ACAP1: variants seen among roughly 807,000 people sequenced by gnomAD.
The protein encoded by ACAP1 is ArfGAP with coiled-coil, ankyrin repeat and PH domains 1.
ACAP1 carries 45 observed loss-of-function variants against 98.8 expected under a neutral mutation model. That is an observed-to-expected ratio of 0.46 (90% CI 0.36 to 0.58). ACAP1 has a LOEUF of 0.58. Ranked by LOEUF, ACAP1 falls within the 20% of genes least tolerant of loss-of-function variation. The pLI is 0.00. For missense variants in ACAP1, 735 were observed against 971.4 expected (o/e 0.76, Z 3.24); for synonymous variants, 362 against 375.3 (o/e 0.96, Z 0.41).
intron 18 of ACAP1, 114 bp from the exon 19 acceptor site, chr17:7,349,831 C>T (rs1316223485): frequency 1.2e-6 from 1 of 850,440 alleles, no homozygotes; most frequent in Non-Finnish European, 1.9e-6. Flanking sequence ...CTTCCACACT[C>T]CTGATTACCA....
intron 13 of ACAP1, 27 bp from the exon 14 acceptor site, chr17:7,347,004 C>T (rs1298097449): frequency 3.2e-6 from 5 of 1,569,820 alleles, no homozygotes; most frequent in Non-Finnish European, 4.3e-6. Context: ...GCCCCTTGGC[C>T]ACCCTTTCTT....
At position 7,343,473 on chromosome 17, in the gene ACAP1, C is replaced by T. The variant is rs762155212; in HGVS notation, c.439C>T (p.Arg147Cys). 14 of 1,614,098 alleles carry T rather than the reference C, an allele frequency of 8.7e-6. No individual in the cohort carries two copies. Among genetic ancestry groups the T allele is most frequent in the South Asian group, 6.6e-5 (6 of 91,076 alleles). ...ALTHNAEVPR[R>C]RAQEAEEAGA... ...GACCCACAACGCAGAGGTTCCCAGG[C>T]GCCGGGCCCAGGAGGCAGAAGAGGC... Residue 147 changes from arginine (R) to cysteine (C), a missense_variant, in exon 6 of 22, where the codon CGC becomes TGC. By Grantham distance (180) the Arg-to-Cys change is radical. This residue lies in a region of ACAP1 where 430 missense variants were observed against 531.8 expected (regional missense o/e 0.81). Transcript: ENST00000158762. The surrounding 1 kb of genome is among the most constrained non-coding windows in gnomAD (Gnocchi z 4.9).
intron 2 of ACAP1, among the ~76,000 whole-genome samples, chr17:7,339,172 C>G (rs2073250915): frequency 1.3e-5 from 2 of 152,038 alleles, no homozygotes; most frequent in African/African-American, 2.4e-5. Flanking sequence ...CGCCTGTAGT[C>G]CCAGCTACTC....
chr17:7,350,752 A>G lies in ACAP1; in HGVS notation c.2073-198A>G, dbSNP rs888950933. ...GCCTCCCCTGAGTAGCTGGGACTAC[A>G]GGCGTGCGCCACCACCCCCGGCTAA... On this transcript the variant is annotated intron_variant, in intron 20 of 21. Coordinates refer to ENST00000158762, the MANE Select transcript of ACAP1 (RefSeq NM_014716.4). This position sits in a 1 kb window ranked among gnomAD's most constrained non-coding sequence, Gnocchi z 4.6. 6.0e-5 allele frequency: 32 copies of G among 537,634 alleles called. No individual in the cohort carries two copies. The highest frequency in any genetic ancestry group is 5.2e-4 in the Middle Eastern group (1 of 1,936). 33.3% of individuals were successfully genotyped at this position (537,634 alleles called of 1,614,324 possible).
intron 2 of ACAP1, among the ~76,000 whole-genome samples, chr17:7,338,792 C>T (rs980868334): frequency 2.0e-5 from 3 of 151,444 alleles, no homozygotes; most frequent in Non-Finnish European, 2.9e-5. Context: ...AGTAATCCTC[C>T]CACCTCAGCC....
rs1211789105 is a variant in ACAP1 at position 7,351,285 on chromosome 17, C to G, written c.2123-10C>G. On this transcript the variant is annotated splice_polypyrimidine_tract_variant and intron_variant, in intron 21 of 21. Transcript: ENST00000158762. ...CCCAGCCGCCTCCCGGCCTTTCCTC[C>G]CTCCCCCAGGAGATGAGACGTATCT... The G allele has an allele frequency of 1.2e-6, 2 of 1,608,572 alleles. No homozygotes were observed. The highest frequency in any genetic ancestry group is 1.7e-6 in the Non-Finnish European group (2 of 1,176,038).
intron 17 of ACAP1, 145 bp downstream of exon 17, chr17:7,348,620 G>T: frequency 1.1e-6 from 1 of 917,210 alleles, no homozygotes; most frequent in Non-Finnish European, 1.6e-6. Context: ...GGGTTACGGT[G>T]GAGTGTGACA....
chr17:7,351,004 AG>A lies in ACAP1; in HGVS notation c.2122+6del. ...AAGCGGCCCAGGGGCAGGCAGGTAA[AG>A]AATACACCCACCCCACCCCCCAGGC... On this transcript the variant is annotated splice_donor_region_variant and intron_variant, in intron 21 of 21. Transcript: ENST00000158762. The A allele has an allele frequency of 6.2e-7, 1 of 1,614,080 alleles. No individual in the cohort carries two copies. The highest frequency in any genetic ancestry group is 1.1e-5 in the South Asian group (1 of 91,082).
Position 7,348,373 on chromosome 17 carries a change from A to T in ACAP1, c.1576A>T (p.Ile526Phe). 4 of 1,573,576 alleles carry T rather than the reference A, an allele frequency of 2.5e-6. 1 individual carries two copies. The South Asian group carries it at 4.6e-5, about 18-fold the overall frequency. Reference protein sequence around the residue: ...EKKFLTKLPEIRGRRGGRGRP... With the variant: ...EKKFLTKLPEFRGRRGGRGRP... ...GAAGTTCCTGACCAAGCTGCCTGAG[A>T]TTCGAGGGCGAAGAGGTGGCCGGGG... The change falls in exon 17 of 22, where the codon ATT becomes TTT. Residue 526 changes from isoleucine to phenylalanine, a missense_variant. This residue lies in a region of ACAP1 where 80 missense variants were observed against 64.4 expected (regional missense o/e 1.24). Coordinates refer to ENST00000158762, the MANE Select transcript of ACAP1 (RefSeq NM_014716.4).
rs1380251627 is a variant in ACAP1, at chr17:7,342,269, G to A, written c.232-6G>A. ...TGGTACTCTTTCTGTGCCTCTTCTT[G>A]CCTAGGAGTGTCTGGAAAAATTCAC... On this transcript the variant is annotated splice_polypyrimidine_tract_variant and splice_region_variant and intron_variant, in intron 3 of 21. Coordinates refer to ENST00000158762, the MANE Select transcript of ACAP1 (RefSeq NM_014716.4). 1.2e-6 allele frequency: 2 copies of A among 1,614,060 alleles called. No individual in the cohort carries two copies. Among genetic ancestry groups the A allele is most frequent in the Non-Finnish European group, 1.7e-6 (2 of 1,179,980 alleles).
intron 3 of ACAP1, 56 bp from the exon 4 acceptor site, chr17:7,342,219 C>A: frequency 6.2e-7 from 1 of 1,609,174 alleles, no homozygotes; most frequent in South Asian, 1.1e-5. Flanking sequence ...GGTCTCGAGT[C>A]GGGAGGGTGC....
At position 7,351,327 on chromosome 17, in the gene ACAP1, T is replaced by G; in HGVS notation, c.2155T>G (p.Phe719Val). 6.2e-7 allele frequency: 1 copy of G among 1,613,842 alleles called. No homozygotes were observed. Among genetic ancestry groups the G allele is most frequent in the Non-Finnish European group, 8.5e-7 (1 of 1,179,808 alleles). The change falls in exon 22 of 22, where the codon TTC (phenylalanine) becomes GTC (valine). Residue 719 changes from phenylalanine to valine, a missense_variant. By Grantham distance (50) the Phe-to-Val change is conservative. Transcript: ENST00000158762. ...GACGTATCTTGACATCTTCCGCGAC[T>G]TCTCCCTCATGGCGTCAGACGACCC... Reference protein sequence around the residue: ...DETYLDIFRDFSLMASDDPEK... With the variant: ...DETYLDIFRDVSLMASDDPEK...
intron 3 of ACAP1, 23 bp from the exon 4 acceptor site, chr17:7,342,252 T>C (rs2073291249): frequency 2.5e-6 from 4 of 1,613,790 alleles, no homozygotes; most frequent in Middle Eastern, 1.7e-4. Flanking sequence ...CCTGGTACTC[T>C]TTCTGTGCCT....
chr17:7,340,602 C>T (rs547690172), intron 2 of ACAP1, among the ~76,000 whole-genome samples: 8 of 152,224 alleles, frequency 5.3e-5, no homozygotes, highest in East Asian at 1.9e-4. Flanking sequence ...CCCAGCACTT[C>T]GGGAGGCCGA....
chr17:7,337,525 TG>T (rs1192787248), intron 2 of ACAP1, among the ~76,000 whole-genome samples, 156 bp downstream of exon 2: 1 of 152,172 alleles, frequency 6.6e-6, no homozygotes, highest in Non-Finnish European at 1.5e-5. Context: ...AAGGTGGTTC[TG>T]TACCGACAAG....
chr17:7,348,060 G>T (rs559144993), intron 15 of ACAP1, 67 bp from the exon 16 acceptor site: 78 of 1,610,446 alleles, frequency 4.8e-5, no homozygotes, highest in Non-Finnish European at 6.5e-5. Flanking sequence ...CGGTGCAGGG[G>T]CGTGATCCCT....
chr17:7,336,875 C>T, intron 1 of ACAP1, 88 bp downstream of exon 1: 1 of 1,460,278 alleles, frequency 6.8e-7, no homozygotes, highest in Non-Finnish European at 9.6e-7. Flanking sequence ...AGGTCTCCTT[C>T]CAGGGAGCAG....
rs2073326399 is a variant in ACAP1 at position 7,344,251 on chromosome 17, A to G, written c.744+128A>G. 7.4e-6 allele frequency: 8 copies of G among 1,085,748 alleles called. No individual in the cohort carries two copies. The South Asian group carries it at 1.2e-4, about 17-fold the overall frequency. The allele number at this position is 1,085,748 out of a possible 1,614,324, so 67.3% of individuals were successfully genotyped here. ...TCGTAGTGAAACTCCATCTCTACAG[A>G]AAATTTTAAAATTAGCTGGTGTGGT... is the stretch of plus-strand genomic sequence containing the variant. On this transcript the variant is annotated intron_variant, in intron 9 of 21. Transcript: ENST00000158762. This position sits in a 1 kb window ranked among gnomAD's most constrained non-coding sequence, Gnocchi z 4.9.
At chr17:7,341,848 C>T (rs2073282996) in intron 2 of ACAP1, 100 bp from the exon 3 acceptor site, 13 of 1,547,606 alleles carry the variant, frequency 8.4e-6, no homozygotes, top group Middle Eastern at 1.7e-4. Context: ...AATAGGGGAG[C>T]GCCGCCCTGG....
Sources: gnomAD v4.1 joint callset for allele counts (sites outside exome capture counted in the v4.1 genomes callset) on GRCh38, gnomAD v4.1.1 for gene constraint, gnomAD v4.1.1 regional missense constraint, Gnocchi (gnomAD v3.1) non-coding constraint, MANE v1.5 for transcripts, NCBI Gene and HGNC (gene_info 2026-07-23, HGNC 2026-07-21) for gene names.